Variants in PRIM2 observed in about 807,000 individuals in gnomAD.
PRIM2 encodes the protein DNA primase large subunit.
A neutral mutation model predicts 67.3 loss-of-function variants in PRIM2; 39 were observed. That is an observed-to-expected ratio of 0.58 (90% CI 0.45 to 0.76). The LOEUF is 0.76. Among genes scored for constraint, PRIM2 ranks in the 30% least tolerant of loss-of-function variants. PRIM2 has a pLI of 0.00. For synonymous variants in PRIM2, 143 were observed against 198.7 expected (o/e 0.72, Z 2.36); for missense variants, 398 against 598.7 (o/e 0.66, Z 3.50).
chr6:57,453,712 T>C, intron 7 of PRIM2, among the ~76,000 whole-genome samples: 1 of 152,198 alleles, frequency 6.6e-6, no homozygotes, highest in Non-Finnish European at 1.5e-5. Flanking sequence ...TTTCTAAATA[T>C]ACAATCATGT....
rs200539668 is a variant in PRIM2 at position 57,320,446 on chromosome 6, C to CT, written c.155-3dup. Reference sequence around the variant, plus strand: ...ATTATCTTGCATTTATACCTTTTTTCTTTTTTTTAGTGTTAAAATCAGTTG... The same window carrying CT: ...ATTATCTTGCATTTATACCTTTTTTCTTTTTTTTTAGTGTTAAAATCAGTTG... On this transcript the variant is annotated splice_polypyrimidine_tract_variant and intron_variant, in intron 2 of 13. Transcript: ENST00000615550. The CT allele has an allele frequency of 5.6e-3, 8,589 of 1,539,502 alleles. 41 individuals are homozygous for CT. The highest frequency in any genetic ancestry group is 6.6e-3 in the Non-Finnish European group (7,490 of 1,138,922).
chr6:57,560,739 A>G (rs1775609613), intron 10 of PRIM2, among the ~76,000 whole-genome samples: 2 of 152,094 alleles, frequency 1.3e-5, no homozygotes, highest in South Asian at 4.2e-4. Flanking sequence ...TGAAGCAGTA[A>G]TATTTTGTAA....
chr6:57,404,693 A>G (rs1770823994), intron 7 of PRIM2, among the ~76,000 whole-genome samples: 1 of 152,192 alleles, frequency 6.6e-6, no homozygotes, highest in Non-Finnish European at 1.5e-5. Context: ...TGCAGTATGT[A>G]AGATGTGAAT....
chr6:57,324,827 T>A (rs999092091), intron 4 of PRIM2, among the ~76,000 whole-genome samples: 9 of 152,214 alleles, frequency 5.9e-5, no homozygotes, highest in South Asian at 2.1e-4. Flanking sequence ...TGTCTTTTTT[T>A]AAAATTAATA....
At chr6:57,433,200 A>C (rs1771890069) in intron 7 of PRIM2, among the ~76,000 whole-genome samples, 1 of 89,056 alleles carries the variant, frequency 1.1e-5, no homozygotes, top group Non-Finnish European at 2.8e-5. Context: ...AAATGATGGC[A>C]TGAAAAAAAT....
intron 10 of PRIM2, among the ~76,000 whole-genome samples, chr6:57,569,847 G>A (rs1775828141): frequency 6.6e-6 from 1 of 151,812 alleles, no homozygotes; most frequent in Non-Finnish European, 1.5e-5. Flanking sequence ...CCCAGGTTCA[G>A]GCTATTCTGC....
chr6:57,590,714 G>A (rs1473494914), intron 10 of PRIM2, among the ~76,000 whole-genome samples: 1 of 152,134 alleles, frequency 6.6e-6, no homozygotes, highest in Non-Finnish European at 1.5e-5. Context: ...ATGTAAAGAG[G>A]AATACAGAAA....
At chr6:57,225,656 T>G in the PRIM2 span, among the ~76,000 whole-genome samples, 4 of 152,250 alleles carry the variant, frequency 2.6e-5, no homozygotes, top group African/African-American at 9.6e-5. Flanking sequence ...GTTCCCTTGC[T>G]CGTTCTTTCA....
At chr6:57,600,361 ATTATTATT>A (rs1776441927) in intron 10 of PRIM2, among the ~76,000 whole-genome samples, 1 of 146,316 alleles carries the variant, frequency 6.8e-6, no homozygotes, top group African/African-American at 2.5e-5. Flanking sequence ...TATTATTATT[ATTATTATT>A]ATATTTTGAG....
chr6:57,498,995 A>C (rs1774069955), intron 7 of PRIM2, among the ~76,000 whole-genome samples: 1 of 152,198 alleles, frequency 6.6e-6, no homozygotes, highest in East Asian at 1.9e-4. Context: ...ATTCTACTTC[A>C]AAATAGCAAT....
In PRIM2 at chr6:57,318,558, C is replaced by A; in HGVS notation, c.113C>A (p.Ser38Tyr). The A allele has an allele frequency of 6.3e-7, 1 of 1,584,344 alleles. No individual in the cohort carries two copies. Among genetic ancestry groups the A allele is most frequent in the East Asian group, 2.3e-5 (1 of 43,918 alleles). Reference sequence around the variant, plus strand: ...TTGCAGCCACCTTCTGAAAACATATCTTTAATAGAATTTGAAAACTTGGCT... The same window carrying A: ...TTGCAGCCACCTTCTGAAAACATATATTTAATAGAATTTGAAAACTTGGCT... ...FYLQPPSENISLIEFENLAID... is the reference protein window; with the variant it reads ...FYLQPPSENIYLIEFENLAID... Residue 38 changes from serine (S) to tyrosine (Y), a missense_variant, in exon 2 of 14, where the codon TCT becomes TAT. This residue lies in a region of PRIM2 where 96 missense variants were observed against 98.3 expected (regional missense o/e 0.98). Coordinates refer to ENST00000615550, the MANE Select transcript of PRIM2 (RefSeq NM_000947.5).
At chr6:57,416,262 A>G (rs1427583704) in intron 7 of PRIM2, among the ~76,000 whole-genome samples, 1 of 152,232 alleles carries the variant, frequency 6.6e-6, no homozygotes, top group Non-Finnish European at 1.5e-5. Flanking sequence ...AGAGCTCTTC[A>G]GTGACCAGGT....
intron 10 of PRIM2, among the ~76,000 whole-genome samples, chr6:57,544,485 C>T (rs1775245222): frequency 6.6e-6 from 1 of 152,170 alleles, no homozygotes; most frequent in Non-Finnish European, 1.5e-5. Flanking sequence ...TGCTCCTGCT[C>T]TGTCAGATGT....
At chr6:57,571,200 T>C in intron 10 of PRIM2, among the ~76,000 whole-genome samples, 1 of 152,352 alleles carries the variant, frequency 6.6e-6, no homozygotes, top group East Asian at 1.9e-4. Context: ...TTTTATTGCA[T>C]TATTATTTTG....
intron 7 of PRIM2, among the ~76,000 whole-genome samples, chr6:57,400,081 G>A (rs1323659682): frequency 2.6e-5 from 4 of 152,278 alleles, no homozygotes; most frequent in African/African-American, 9.6e-5. Context: ...CCTTTGAAGT[G>A]GGACATGTAG....
the PRIM2 span, among the ~76,000 whole-genome samples, chr6:57,288,358 T>C: frequency 6.6e-6 from 1 of 152,166 alleles, no homozygotes; most frequent in Non-Finnish European, 1.5e-5. Context: ...TCCACCTCTG[T>C]GGGCAGGGCA....
At chr6:57,344,453 C>A (rs1350013801) in intron 5 of PRIM2, among the ~76,000 whole-genome samples, 2 of 150,882 alleles carry the variant, frequency 1.3e-5, no homozygotes, top group Non-Finnish European at 3.0e-5. Flanking sequence ...TGTTCTGTTT[C>A]TAGGGAAGTT....
chr6:57,357,932 G>T (rs557463793), intron 5 of PRIM2, among the ~76,000 whole-genome samples: 1 of 152,150 alleles, frequency 6.6e-6, no homozygotes, highest in African/African-American at 2.4e-5. Flanking sequence ...GTTATCACCC[G>T]CCTGTCTTGA....
At chr6:57,435,880 A>T in intron 7 of PRIM2, among the ~76,000 whole-genome samples, 1 of 152,156 alleles carries the variant, frequency 6.6e-6, no homozygotes, top group Non-Finnish European at 1.5e-5. Context: ...TAATGCACCA[A>T]TGGGGTATAT....
Sources: gnomAD v4.1 joint callset for allele counts (sites outside exome capture counted in the v4.1 genomes callset) on GRCh38, gnomAD v4.1.1 for gene constraint, gnomAD v4.1.1 regional missense constraint, MANE v1.5 for transcripts, NCBI Gene and HGNC (gene_info 2026-07-23, HGNC 2026-07-21) for gene names.